Variants in FAM117A observed in about 807,000 individuals in gnomAD.
FAM117A encodes protein FAM117A.
Under a neutral mutation model 44.1 loss-of-function variants are expected in FAM117A, and 21 were observed. The observed-to-expected ratio is 0.48, with a 90% CI of 0.34 to 0.69. FAM117A has a LOEUF of 0.69. FAM117A is among the 30% of genes least tolerant of loss of function. The pLI is 0.01. For missense variants in FAM117A, 498 were observed against 589.9 expected (o/e 0.84, Z 1.61); for synonymous variants, 220 against 238.3 (o/e 0.92, Z 0.71).
In FAM117A at chr17:49,714,618, G is replaced by A. The variant is rs999598078; in HGVS notation, c.1061+1547C>T. Among the ~76,000 whole-genome samples, 7 of 150,920 alleles carry A rather than the reference G, an allele frequency of 4.6e-5. No homozygotes were observed. The East Asian group carries it at 1.2e-3, about 25-fold the overall frequency. ...CTCCCAAAGTGCTGGCATTACAGGCGTGAGCCACTGCACCCAGCTGATCAC... is the reference window on the plus strand; with the variant it reads ...CTCCCAAAGTGCTGGCATTACAGGCATGAGCCACTGCACCCAGCTGATCAC... On this transcript the variant is annotated intron_variant, in intron 7 of 7. Transcript: ENST00000240364.
intron 5 of FAM117A, 70 bp downstream of exon 5, chr17:49,719,690 C>T: frequency 6.8e-7 from 1 of 1,473,230 alleles, no homozygotes. Context: ...GAGCAGGACT[C>T]CCAGTTCCCC....
chr17:49,711,466 A>G lies in FAM117A; in HGVS notation c.1151T>C (p.Val384Ala), dbSNP rs2073478108. ...GGGGAAGAGGGGCTTCATCAGGTTG[A>G]CGGGGCAGAAGGCTGAGCCAGTCGG... Reference protein sequence around the residue: ...FNPTGSAFCPVNLMKPLFPGM... With the variant: ...FNPTGSAFCPANLMKPLFPGM... Residue 384 changes from valine to alanine, a missense_variant, in exon 8 of 8, where the codon GTC (valine) becomes GCC (alanine). By Grantham distance (64) the Val-to-Ala change is moderately conservative (BLOSUM62 0). Around this residue, in one of 3 missense-constraint regions of FAM117A, gnomAD observed 224 missense variants for 296.5 expected, o/e 0.76. Transcript: ENST00000240364. 1 of 1,614,032 alleles carries G rather than the reference A, an allele frequency of 6.2e-7. No individual in the cohort carries two copies. Among genetic ancestry groups the G allele is most frequent in the Non-Finnish European group, 8.5e-7 (1 of 1,180,012 alleles).
At chr17:49,722,463 C>T (rs751473199) in intron 3 of FAM117A, 36 bp downstream of exon 3, 27 of 1,566,356 alleles carry the variant, frequency 1.7e-5, no homozygotes, top group Middle Eastern at 3.3e-4. Flanking sequence ...GAGAAGAAGC[C>T]GCTACCCTAG....
chr17:49,764,408 G>C (rs1250688507), upstream of FAM117A, among the ~76,000 whole-genome samples: 1 of 152,164 alleles, frequency 6.6e-6, no homozygotes, highest in African/African-American at 2.4e-5. Flanking sequence ...CCAATGAGAA[G>C]ACGCAGAATA....
At chr17:49,771,966 C>T (rs2073762490) in intron 1 of FAM117A, among the ~76,000 whole-genome samples, 1 of 152,160 alleles carries the variant, frequency 6.6e-6, no homozygotes, top group Non-Finnish European at 1.5e-5. Context: ...CACTCCCTTC[C>T]CTTCACACCA....
At chr17:49,752,931 T>G (rs1178814167) in intron 1 of FAM117A, among the ~76,000 whole-genome samples, 2 of 151,920 alleles carry the variant, frequency 1.3e-5, no homozygotes, top group East Asian at 3.9e-4. Context: ...TGGTGCAGTC[T>G]TAGCTCACTG....
chr17:49,762,828 C>T (rs2073727384), intron 1 of FAM117A, among the ~76,000 whole-genome samples: 1 of 152,170 alleles, frequency 6.6e-6, no homozygotes, highest in Non-Finnish European at 1.5e-5. Flanking sequence ...CAAGTAGGTT[C>T]CTTTTCCCCT....
At chr17:49,726,601 C>A (rs967416359) in intron 2 of FAM117A, among the ~76,000 whole-genome samples, 7 of 152,120 alleles carry the variant, frequency 4.6e-5, no homozygotes, top group African/African-American at 1.7e-4. Flanking sequence ...GACTGTGTCC[C>A]CAGTTTCCAG....
At chr17:49,755,664 C>A (rs1168261853) in intron 1 of FAM117A, among the ~76,000 whole-genome samples, 4 of 152,158 alleles carry the variant, frequency 2.6e-5, no homozygotes, top group South Asian at 2.1e-4. Flanking sequence ...GGGCTTCAAG[C>A]CCAATGACCA....
intron 1 of FAM117A, among the ~76,000 whole-genome samples, chr17:49,782,877 G>A (rs1259604627): frequency 1.3e-5 from 2 of 152,122 alleles, no homozygotes; most frequent in Non-Finnish European, 2.9e-5. Context: ...AATTGACAGA[G>A]AGGAAAGACC....
Position 49,764,071 on chromosome 17 carries a change from G to A in FAM117A, c.17C>T (p.Ala6Val). ...CCAGGCACCTCCGCCTCTGCCGCCC[G>A]CTGCGGCCCCCGCCATGGCTCTCCC... is the stretch of plus-strand genomic sequence containing the variant. The part of the protein sequence containing the change: MAGAA[A>V]GGRGGGAWGP... Residue 6 changes from alanine to valine, a missense_variant, in exon 1 of 8, where the codon GCG becomes GTG. Physicochemically the swap from Ala to Val is moderately conservative, Grantham distance 64. Around this residue, in one of 3 missense-constraint regions of FAM117A, gnomAD observed 270 missense variants for 277.4 expected, o/e 0.97. Transcript: ENST00000240364. 9.3e-7 allele frequency: 1 copy of A among 1,074,290 alleles called. No individual in the cohort carries two copies. Among genetic ancestry groups the A allele is most frequent in the Middle Eastern group, 4.0e-4 (1 of 2,472 alleles). The allele number at this position is 1,074,290 out of a possible 1,614,324, so 66.5% of individuals were successfully genotyped here. A position where few individuals can be genotyped will look rare whatever the true frequency, so the allele number is the denominator to read the frequency against.
chr17:49,768,391 C>T (rs1002554444), upstream of FAM117A, among the ~76,000 whole-genome samples: 2 of 152,174 alleles, frequency 1.3e-5, no homozygotes, highest in Admixed American at 6.5e-5. Context: ...CAAAATATGA[C>T]ACCCAGTAGC....
At chr17:49,739,218 T>C (rs2073622849) in intron 1 of FAM117A, among the ~76,000 whole-genome samples, 1 of 152,168 alleles carries the variant, frequency 6.6e-6, no homozygotes, top group African/African-American at 2.4e-5. Context: ...TCCTTTAGGA[T>C]TGAAGGTGTA....
At chr17:49,727,167 GA>G (rs2073563699) in intron 2 of FAM117A, among the ~76,000 whole-genome samples, 2 of 152,000 alleles carry the variant, frequency 1.3e-5, no homozygotes, top group African/African-American at 4.8e-5. Flanking sequence ...TTGGGAGGCT[GA>G]AGTGGGCAGA....
intron 1 of FAM117A, among the ~76,000 whole-genome samples, chr17:49,740,071 T>TA (rs2073626605): frequency 6.6e-6 from 1 of 152,164 alleles, no homozygotes; most frequent in Non-Finnish European, 1.5e-5. Context: ...TCACAACTGC[T>TA]ACACTAGGAT....
At chr17:49,736,216 T>C (rs1364400315) in intron 1 of FAM117A, among the ~76,000 whole-genome samples, 1 of 152,184 alleles carries the variant, frequency 6.6e-6, no homozygotes, top group South Asian at 2.1e-4. Flanking sequence ...TCATTTTAAA[T>C]GATATTAACA....
Position 49,732,698 on chromosome 17 carries a change from G to A in FAM117A, c.219C>T (p.Ala73=). 1 of 1,613,644 alleles carries A rather than the reference G, an allele frequency of 6.2e-7. No individual in the cohort carries two copies. The highest frequency in any genetic ancestry group is 8.5e-7 in the Non-Finnish European group (1 of 1,179,822). ...GRAASVPCSV[A]PEKSVCRPQP... ...GAGGCCTACACACTGACTTTTCTGG[G>A]GCCACCGAGCATGGGACGCTGGCTG... Residue 73 remains alanine, a synonymous_variant, in exon 2 of 8, where the codon GCC becomes GCT. Transcript: ENST00000240364.
intron 1 of FAM117A, among the ~76,000 whole-genome samples, chr17:49,751,813 G>A (rs988846794): frequency 6.0e-5 from 9 of 149,172 alleles, no homozygotes; most frequent in African/African-American, 7.4e-5. Flanking sequence ...GCATGGTGGC[G>A]GGTGTCTGTA....
At chr17:49,726,172 A>C (rs2073558613) in intron 2 of FAM117A, among the ~76,000 whole-genome samples, 3 of 152,192 alleles carry the variant, frequency 2.0e-5, no homozygotes, top group African/African-American at 7.2e-5. Context: ...CTAATGCAGT[A>C]GGTTATCCTG....
Sources: allele counts gnomAD v4.1 joint callset (sites outside exome capture counted in the v4.1 genomes callset), GRCh38; gene constraint gnomAD v4.1.1; regional missense constraint gnomAD v4.1.1; transcripts MANE v1.5; gene names NCBI Gene and HGNC (gene_info 2026-07-23, HGNC 2026-07-21).